The following ZFP14 variants were observed in gnomAD, a reference collection of about 807,000 sequenced individuals.
ZFP14 encodes ZFP14 zinc finger protein.
Under a neutral mutation model 54.5 loss-of-function variants are expected in ZFP14, and 22 were observed. The observed-to-expected ratio is 0.40, with a 90% CI of 0.29 to 0.58. ZFP14 has a LOEUF of 0.58. Ranked by LOEUF, ZFP14 falls within the 20% of genes least tolerant of loss-of-function variation. ZFP14 has a pLI of 0.39. For synonymous variants in ZFP14, 159 were observed against 204.0 expected (o/e 0.78, Z 1.88); for missense variants, 470 against 637.8 (o/e 0.74, Z 2.83).
chr19:36,356,646 C>T (rs780593505), intron 4 of ZFP14, among the ~76,000 whole-genome samples: 4 of 152,108 alleles, frequency 2.6e-5, no homozygotes, highest in Non-Finnish European at 4.4e-5. Context: ...ATCCTCTACG[C>T]CCTACATCCC....
chr19:36,358,271 C>T (rs534814747), intron 4 of ZFP14, among the ~76,000 whole-genome samples: 1 of 150,088 alleles, frequency 6.7e-6, no homozygotes, highest in African/African-American at 2.4e-5. Context: ...CCACTACATC[C>T]AGCTAATGTT....
In ZFP14 at chr19:36,338,391, GAAT is replaced by G; in HGVS notation, c.*1830_*1832del. On this transcript the variant is annotated 3_prime_UTR_variant, in exon 5 of 5. Coordinates refer to ENST00000270001, the MANE Select transcript of ZFP14 (RefSeq NM_020917.3). ...TTTTCCTCTGATTTATTGATTTCAA[GAAT>G]AATGAGTTGGGCTGGGTGTGGTGGC... is the stretch of plus-strand genomic sequence containing the variant. 1 of 151,986 alleles carries G rather than the reference GAAT, an allele frequency of 6.6e-6. No homozygotes were observed. The highest frequency in any genetic ancestry group is 1.5e-5 in the Non-Finnish European group (1 of 67,990). 9.4% of individuals were successfully genotyped at this position (151,986 alleles called of 1,614,324 possible). A position where few individuals can be genotyped will look rare whatever the true frequency, so the allele number is the denominator to read the frequency against.
chr19:36,375,995 AT>A (rs891211382), intron 1 of ZFP14, among the ~76,000 whole-genome samples: 110 of 147,376 alleles, frequency 7.5e-4, no homozygotes, highest in African/African-American at 1.4e-3. Flanking sequence ...GCCCGGCCAG[AT>A]TTTTTTTTTT....
intron 4 of ZFP14, among the ~76,000 whole-genome samples, chr19:36,355,573 C>T (rs1489457181): frequency 2.9e-5 from 4 of 139,540 alleles, no homozygotes; most frequent in Non-Finnish European, 6.3e-5. Flanking sequence ...AACCCAGCTA[C>T]TCAGGAGGCT....
In ZFP14 at chr19:36,334,883, A is replaced by ATTTTT. The variant is rs1404507082; in HGVS notation, c.*5340_*5341insAAAAA. ...TTCCTCAAAAGTAGATTTTTATTTT[A>ATTTTT]TTTTATTTGAGACTGAGTTTCACTC... is the stretch of plus-strand genomic sequence containing the variant. On this transcript the variant is annotated 3_prime_UTR_variant, in exon 5 of 5. Coordinates refer to ENST00000270001, the MANE Select transcript of ZFP14 (RefSeq NM_020917.3). 3.6e-5 allele frequency: 5 copies of ATTTTT among 140,820 alleles called. No individual in the cohort carries two copies. Among genetic ancestry groups the ATTTTT allele is most frequent in the Admixed American group, 1.5e-4 (2 of 13,260 alleles). The allele number at this position is 140,820 out of a possible 1,614,324, so 8.7% of individuals were successfully genotyped here.
chr19:36,372,071 G>T (rs1252715243), intron 1 of ZFP14, among the ~76,000 whole-genome samples: 2 of 149,056 alleles, frequency 1.3e-5, no homozygotes, highest in African/African-American at 5.0e-5. Context: ...AAAGAAGAAA[G>T]GAAGGGAGGG....
chr19:36,347,891 A>G (rs34723481), intron 4 of ZFP14, among the ~76,000 whole-genome samples: 67,910 of 151,782 alleles, frequency 0.45, 15,176 homozygotes, highest in Admixed American at 0.47. Flanking sequence ...TGAAACTGTC[A>G]TACTAAAAAC....
chr19:36,354,166 T>A (rs2031575840), intron 4 of ZFP14, among the ~76,000 whole-genome samples: 1 of 133,178 alleles, frequency 7.5e-6, no homozygotes, highest in African/African-American at 2.8e-5. Flanking sequence ...AGGTCAGGAG[T>A]TCAAGACCAG....
chr19:36,364,900 G>C (rs192584956), intron 2 of ZFP14, among the ~76,000 whole-genome samples: 1 of 150,250 alleles, frequency 6.7e-6, no homozygotes, highest in Non-Finnish European at 1.5e-5. Flanking sequence ...ACATTCTAAC[G>C]ATTAACCAGG....
chr19:36,377,664 A>G (rs2031983840), intron 1 of ZFP14, among the ~76,000 whole-genome samples: 1 of 152,150 alleles, frequency 6.6e-6, no homozygotes, highest in Non-Finnish European at 1.5e-5. Context: ...GAGAAACTAA[A>G]TTACTGCCAA....
At chr19:36,349,850 A>ATGCCTC (rs2031495244) in intron 4 of ZFP14, among the ~76,000 whole-genome samples, 1 of 143,394 alleles carries the variant, frequency 7.0e-6, no homozygotes, top group Non-Finnish European at 1.5e-5. Context: ...GTTGAAAGGA[A>ATGCCTC]TAAAAAAGAA....
chr19:36,375,524 A>C (rs1487076767), intron 1 of ZFP14, among the ~76,000 whole-genome samples: 1 of 149,922 alleles, frequency 6.7e-6, no homozygotes, highest in Non-Finnish European at 1.5e-5. Context: ...AGTAGCTGGG[A>C]TTACAGGCGC....
rs991485911 is a variant in ZFP14, at chr19:36,341,708, T to C, written c.236-118A>G. On this transcript the variant is annotated intron_variant, in intron 4 of 4. Coordinates refer to ENST00000270001, the MANE Select transcript of ZFP14 (RefSeq NM_020917.3). The surrounding 1 kb of genome is among the most constrained non-coding windows in gnomAD (Gnocchi z 4.2). The stretch of plus-strand genomic sequence containing the variant: ...CACCTAAAATAATGCCTGTTACAAA[T>C]TGAATGGATTAGACAGATCTCAAAC... 22 of 938,580 alleles carry C rather than the reference T, an allele frequency of 2.3e-5. No homozygotes were observed. Among genetic ancestry groups the C allele is most frequent in the East Asian group, 5.4e-5 (2 of 37,008 alleles). 58.1% of individuals were successfully genotyped at this position (938,580 alleles called of 1,614,324 possible).
intron 2 of ZFP14, among the ~76,000 whole-genome samples, chr19:36,364,551 G>A (rs1289653724): frequency 1.3e-5 from 2 of 152,116 alleles, no homozygotes; most frequent in African/African-American, 4.8e-5. Context: ...TCGGGTAAGA[G>A]CAGGGGAACT....
At chr19:36,353,778 A>G (rs2031568541) in intron 4 of ZFP14, among the ~76,000 whole-genome samples, 1 of 140,544 alleles carries the variant, frequency 7.1e-6, no homozygotes, top group Non-Finnish European at 1.6e-5. Context: ...TTAAAATAAA[A>G]AAAAGTCAGA....
At chr19:36,364,175 G>A (rs1046177714) in intron 2 of ZFP14, among the ~76,000 whole-genome samples, 1 of 152,064 alleles carries the variant, frequency 6.6e-6, no homozygotes, top group Non-Finnish European at 1.5e-5. Context: ...GGTGAAGAAG[G>A]GATCCCTGCC....
chr19:36,367,798 A>C, intron 2 of ZFP14, 86 bp downstream of exon 2: 2 of 1,480,142 alleles, frequency 1.4e-6, no homozygotes, highest in Non-Finnish European at 1.8e-6. Context: ...TCTGGTAAGC[A>C]GGAAGTTTCA....
At chr19:36,351,913 G>T (rs1350973294) in intron 4 of ZFP14, among the ~76,000 whole-genome samples, 1 of 143,410 alleles carries the variant, frequency 7.0e-6, no homozygotes, top group Non-Finnish European at 1.5e-5. Flanking sequence ...GCCGGGTGTG[G>T]TGGCTCACGC....
At chr19:36,359,747 C>T (rs1041681696) in intron 4 of ZFP14, among the ~76,000 whole-genome samples, 2 of 152,004 alleles carry the variant, frequency 1.3e-5, no homozygotes, top group Non-Finnish European at 2.9e-5. Flanking sequence ...CTCCGCCTCC[C>T]GGGTTCAAGT....
Sources: allele counts gnomAD v4.1 joint callset (sites outside exome capture counted in the v4.1 genomes callset), GRCh38; gene constraint gnomAD v4.1.1; non-coding constraint Gnocchi (gnomAD v3.1); transcripts MANE v1.5; gene names NCBI Gene and HGNC (gene_info 2026-07-23, HGNC 2026-07-21).